The following PCDHGB3 variants were observed in gnomAD, a reference collection of about 807,000 sequenced individuals.
The protein encoded by PCDHGB3 is protocadherin gamma-B3.
A neutral mutation model predicts 59.2 loss-of-function variants in PCDHGB3; 40 were observed. The observed-to-expected ratio is 0.68, with a 90% confidence interval of 0.52 to 0.88. The LOEUF (loss-of-function observed/expected upper bound fraction) is 0.88, where lower values mean the gene tolerates loss of function less well. Ranked by LOEUF, PCDHGB3 falls within the 40% of genes least tolerant of loss-of-function variation. PCDHGB3 has a pLI of 0.00. For missense variants in PCDHGB3, 1,309 were observed against 1,187.9 expected (o/e 1.10, Z -1.50); for synonymous variants, 581 against 503.6 (o/e 1.15, Z -2.06).
At chr5:141,402,260 A>C (rs2094244604) in intron 1 of PCDHGB3, among the ~76,000 whole-genome samples, 2 of 152,144 alleles carry the variant, frequency 1.3e-5, no homozygotes, top group South Asian at 4.1e-4. Context: ...AACCCCAGAA[A>C]ATAATTTCAA....
intron 1 of PCDHGB3, chr5:141,417,543 C>T: frequency 6.5e-6 from 2 of 307,994 alleles, no homozygotes; most frequent in Non-Finnish European, 1.2e-5. Flanking sequence ...AAAAAAAATT[C>T]CTTGAAAGAG....
chr5:141,370,932 T>A lies in PCDHGB3; in HGVS notation c.538T>A (p.Leu180Met). 1 of 1,613,926 alleles carries A rather than the reference T, an allele frequency of 6.2e-7. No homozygotes were observed. The highest frequency in any genetic ancestry group is 1.7e-5 in the Admixed American group (1 of 60,018). ...YYLSPDPHFS[L>M]IQKENLDGSR... is the part of the protein sequence containing the mutation. ...CCTCAGCCCTGATCCGCACTTCTCT[T>A]TGATTCAGAAGGAGAACCTGGATGG... is the stretch of plus-strand genomic sequence containing the variant. The change falls in exon 1 of 4, where the codon TTG becomes ATG. Residue 180 changes from leucine to methionine, a missense_variant. By Grantham distance (15) the Leu-to-Met change is conservative. Coordinates refer to ENST00000576222, the MANE Select transcript of PCDHGB3 (RefSeq NM_018924.5).
intron 1 of PCDHGB3, chr5:141,376,676 G>GTTTTTTTTTTTTTTTTTTTTTTTT (rs67197835): frequency 1.1e-5 from 3 of 275,812 alleles, no homozygotes; most frequent in African/African-American, 3.7e-5. Flanking sequence ...TGAGGGTATC[G>GTTTTTTTTTTTTTTTTTTTTTTTT]TTTTTTTTTT....
At chr5:141,401,368 A>G (rs2094146364) in intron 1 of PCDHGB3, among the ~76,000 whole-genome samples, 3 of 152,186 alleles carry the variant, frequency 2.0e-5, no homozygotes, top group Admixed American at 2.0e-4. Flanking sequence ...GAAGGAGAGG[A>G]AGAAGAAGAA....
At chr5:141,421,986 AG>A in intron 1 of PCDHGB3, 2 of 1,609,004 alleles carry the variant, frequency 1.2e-6, no homozygotes, top group Non-Finnish European at 1.7e-6. Flanking sequence ...TGAGTGTTCC[AG>A]AAAACATCAG....
Position 141,422,740 on chromosome 5 carries a change from T to C in PCDHGB3, c.2415+49931T>C, listed in dbSNP as rs536737009. The C allele has an allele frequency of 2.7e-5, 43 of 1,609,962 alleles. 1 individual carries two copies. In the South Asian group the frequency reaches 4.8e-4, roughly 18 times the overall value. On this transcript the variant is annotated intron_variant, in intron 1 of 3. Transcript: ENST00000576222. ...TGTCCAGGGGGTGCCTCTGTCCTCC[T>C]ATGTCTCTATTAACTCCAACACTGG... is the stretch of plus-strand genomic sequence containing the variant.
At position 141,448,695 on chromosome 5, in the gene PCDHGB3, C is replaced by T. The variant is rs535473305; in HGVS notation, c.2416-46112C>T. 2.7e-4 allele frequency among the ~76,000 whole-genome samples: 41 copies of T among 152,246 alleles called. No homozygotes were observed. In the South Asian group the frequency reaches 8.5e-3, roughly 32 times the overall value. On this transcript the variant is annotated intron_variant, in intron 1 of 3. Coordinates refer to ENST00000576222, the MANE Select transcript of PCDHGB3 (RefSeq NM_018924.5). Reference sequence around the variant, plus strand: ...GTGGCTCACGCCTGTAATCGCAGCACTTTGGGAGGCCGAGGCGGGAGGATC... The same window carrying T: ...GTGGCTCACGCCTGTAATCGCAGCATTTTGGGAGGCCGAGGCGGGAGGATC...
At position 141,399,853 on chromosome 5, in the gene PCDHGB3, C is replaced by T. The variant is rs530551805; in HGVS notation, c.2415+27044C>T. 48 of 1,612,978 alleles carry T rather than the reference C, an allele frequency of 3.0e-5. 1 individual carries two copies. In the East Asian group the frequency reaches 9.4e-4, roughly 31 times the overall value. On this transcript the variant is annotated intron_variant, in intron 1 of 3. Transcript: ENST00000576222. ...CTCTGCGCTCTTCGATATGGTGCCGCGCGCTGCAGAGCCCGGCTACCTGGT... is the reference window on the plus strand; with the variant it reads ...CTCTGCGCTCTTCGATATGGTGCCGTGCGCTGCAGAGCCCGGCTACCTGGT...
intron 1 of PCDHGB3, among the ~76,000 whole-genome samples, chr5:141,464,803 G>A (rs933573443): frequency 1.5e-4 from 23 of 152,092 alleles, no homozygotes; most frequent in African/African-American, 5.1e-4. Context: ...CAGTGATGCA[G>A]TCATAGCTCA....
Position 141,485,286 on chromosome 5 carries a change from AG to A in PCDHGB3, c.2416-9520del. On this transcript the variant is annotated intron_variant, in intron 1 of 3. Coordinates refer to ENST00000576222, the MANE Select transcript of PCDHGB3 (RefSeq NM_018924.5). This position sits in a 1 kb window ranked among gnomAD's most constrained non-coding sequence, Gnocchi z 5.7. ...CAGATCCGCTACCCGGTCCCAGAGG[AG>A]TCACAGGAAGGGACTTTTGTAGGGA... The A allele has an allele frequency of 6.2e-7, 1 of 1,614,044 alleles. No homozygotes were observed. Among genetic ancestry groups the A allele is most frequent in the Non-Finnish European group, 8.5e-7 (1 of 1,179,928 alleles).
chr5:141,413,218 A>G, intron 1 of PCDHGB3: 1 of 1,613,610 alleles, frequency 6.2e-7, no homozygotes. Flanking sequence ...AAAGGATTGC[A>G]GCGGGCTGGT....
chr5:141,403,069 A>G (rs747569947), intron 1 of PCDHGB3: 3 of 1,613,954 alleles, frequency 1.9e-6, no homozygotes, highest in African/African-American at 2.7e-5. Flanking sequence ...CTGAAGAGAC[A>G]GAAAAGGGCT....
intron 1 of PCDHGB3, chr5:141,376,220 G>A: frequency 6.2e-7 from 1 of 1,614,202 alleles, no homozygotes; most frequent in Non-Finnish European, 8.5e-7. Context: ...CGTGCTGCTG[G>A]CGCTCAGACT....
Position 141,432,400 on chromosome 5 carries a change from G to C in PCDHGB3, c.2415+59591G>C, listed in dbSNP as rs139153105. ...ACCCGCCCCTCAGCAGCAACGTGTC[G>C]TTGAGCCTGTTCGTGCTGGACCAGA... is the stretch of plus-strand genomic sequence containing the variant. On this transcript the variant is annotated intron_variant, in intron 1 of 3. Coordinates refer to ENST00000576222, the MANE Select transcript of PCDHGB3 (RefSeq NM_018924.5). This position sits in a 1 kb window ranked among gnomAD's most constrained non-coding sequence, Gnocchi z 6.0. 1.2e-6 allele frequency: 2 copies of C among 1,614,240 alleles called. No individual in the cohort carries two copies. Among genetic ancestry groups the C allele is most frequent in the South Asian group, 2.2e-5 (2 of 91,090 alleles).
intron 1 of PCDHGB3, chr5:141,427,490 T>C (rs752745429): frequency 1.8e-6 from 1 of 551,082 alleles, no homozygotes; most frequent in Non-Finnish European, 3.5e-6. Flanking sequence ...ACTATAAGCT[T>C]GTAACAGATG....
intron 1 of PCDHGB3, among the ~76,000 whole-genome samples, chr5:141,438,606 A>G: frequency 3.6e-5 from 1 of 27,780 alleles, no homozygotes; most frequent in African/African-American, 2.7e-4. Flanking sequence ...ATATATATAT[A>G]TATATATATA....
chr5:141,408,833 A>G, intron 1 of PCDHGB3: 1 of 1,613,704 alleles, frequency 6.2e-7, no homozygotes, highest in Non-Finnish European at 8.5e-7. Context: ...TCATAGCTTG[A>G]TATTGACTGC....
At chr5:141,430,331 T>C (rs1266364984) in intron 1 of PCDHGB3, among the ~76,000 whole-genome samples, 2 of 150,984 alleles carry the variant, frequency 1.3e-5, no homozygotes, top group Non-Finnish European at 2.9e-5. Context: ...TCATTGTTTA[T>C]AGAAACTTCC....
Position 141,486,690 on chromosome 5 carries a change from C to G in PCDHGB3, c.2416-8117C>G. ...AGGAATCGAGATGTATCAGCTTCCTCTTTCATCTCTCTGAACCCCCAGACA... is the reference window on the plus strand; with the variant it reads ...AGGAATCGAGATGTATCAGCTTCCTGTTTCATCTCTCTGAACCCCCAGACA... On this transcript the variant is annotated intron_variant, in intron 1 of 3. Coordinates refer to ENST00000576222, the MANE Select transcript of PCDHGB3 (RefSeq NM_018924.5). The surrounding 1 kb of genome is among the most constrained non-coding windows in gnomAD (Gnocchi z 5.0). 3 of 1,614,144 alleles carry G rather than the reference C, an allele frequency of 1.9e-6. No individual in the cohort carries two copies. The highest frequency in any genetic ancestry group is 2.5e-6 in the Non-Finnish European group (3 of 1,180,036).
Sources: gnomAD v4.1 joint callset for allele counts (sites outside exome capture counted in the v4.1 genomes callset) on GRCh38, gnomAD v4.1.1 for gene constraint, Gnocchi (gnomAD v3.1) non-coding constraint, MANE v1.5 for transcripts, NCBI Gene and HGNC (gene_info 2026-07-23, HGNC 2026-07-21) for gene names.